Variants in PCDH17 observed in about 807,000 individuals in gnomAD.
PCDH17 encodes the protein protocadherin 17.
Under a neutral mutation model 67.7 loss-of-function variants are expected in PCDH17, and 21 were observed. The observed-to-expected ratio is 0.31, with a 90% confidence interval of 0.22 to 0.45. The LOEUF (loss-of-function observed/expected upper bound fraction) is 0.45. PCDH17 is among the 20% of genes least tolerant of loss of function. The probability of loss-of-function intolerance (pLI) is 1.00; values close to 1 mark genes in which losing one functional copy is unlikely to be tolerated. For synonymous variants in PCDH17, 701 were observed against 656.7 expected (o/e 1.07, Z -1.03); for missense variants, 1,471 against 1,564.8 (o/e 0.94, Z 1.01).
At chr13:57,692,128 C>T (rs1189043548) in intron 3 of PCDH17, among the ~76,000 whole-genome samples, 1 of 151,180 alleles carries the variant, frequency 6.6e-6, no homozygotes, top group African/African-American at 2.4e-5. Flanking sequence ...TTTTCATCCT[C>T]TATTTTCTGG....
chr13:57,631,844 A>T lies in PCDH17; in HGVS notation c.-703A>T, dbSNP rs921602752. 1 of 152,342 alleles carries T rather than the reference A, an allele frequency of 6.6e-6. No individual in the cohort carries two copies. Among genetic ancestry groups the T allele is most frequent in the African/African-American group, 2.4e-5 (1 of 41,440 alleles). The allele number at this position is 152,342 out of a possible 1,614,324, so 9.4% of individuals were successfully genotyped here. ...GTCCGCCGCCGCCGCTGCCTCAGCC[A>T]GCAATGCAAGATTAGATCTCTAAAT... On this transcript the variant is annotated 5_prime_UTR_variant, in exon 1 of 4. Transcript: ENST00000377918.
At chr13:57,718,632 T>C (rs994351014) in intron 3 of PCDH17, among the ~76,000 whole-genome samples, 2 of 151,860 alleles carry the variant, frequency 1.3e-5, no homozygotes, top group African/African-American at 4.8e-5. Context: ...AAGAAAGAAC[T>C]GTGTATGTTA....
chr13:57,702,929 A>G (rs1195602421), intron 3 of PCDH17, among the ~76,000 whole-genome samples: 1 of 152,164 alleles, frequency 6.6e-6, no homozygotes, highest in Non-Finnish European at 1.5e-5. Context: ...CTTTCTGCCT[A>G]TCTCTCTGCA....
chr13:57,694,027 G>A (rs1955584282), intron 3 of PCDH17, among the ~76,000 whole-genome samples: 1 of 150,522 alleles, frequency 6.6e-6, no homozygotes, highest in Non-Finnish European at 1.5e-5. Flanking sequence ...GCAAGTCTAG[G>A]CAGCACATCT....
intron 3 of PCDH17, among the ~76,000 whole-genome samples, chr13:57,699,937 T>C (rs901510712): frequency 3.1e-4 from 47 of 152,164 alleles, no homozygotes; most frequent in African/African-American, 1.1e-3. Context: ...GATACTAAAC[T>C]TGATCTTTCC....
Position 57,633,811 on chromosome 13 carries a change from A to G in PCDH17, c.1265A>G (p.Tyr422Cys). ...FKLEENYDNF[Y>C]TVVTDRPLDR... The stretch of plus-strand genomic sequence containing the variant: ...CTTGAGGAGAACTACGACAACTTCT[A>G]CACGGTGGTGACTGACCGCCCGCTG... Residue 422 changes from tyrosine (Y) to cysteine (C), a missense_variant, in exon 1 of 4, where the codon TAC becomes TGC. By Grantham distance (194) the Tyr-to-Cys change is radical. Coordinates refer to ENST00000377918, the MANE Select transcript of PCDH17 (RefSeq NM_001040429.3). This position sits in a 1 kb window ranked among gnomAD's most constrained non-coding sequence, Gnocchi z 6.2. 6.2e-7 allele frequency: 1 copy of G among 1,611,220 alleles called. No homozygotes were observed. Among genetic ancestry groups the G allele is most frequent in the Non-Finnish European group, 8.5e-7 (1 of 1,179,866 alleles).
chr13:57,667,474 A>T (rs536653009), intron 3 of PCDH17, among the ~76,000 whole-genome samples: 1 of 152,092 alleles, frequency 6.6e-6, no homozygotes, highest in South Asian at 2.1e-4. Context: ...TTGTTGTTTC[A>T]AATACAATAA....
At chr13:57,638,275 A>T (rs940621965) in intron 1 of PCDH17, among the ~76,000 whole-genome samples, 1 of 152,064 alleles carries the variant, frequency 6.6e-6, no homozygotes, top group African/African-American at 2.4e-5. Flanking sequence ...TAAAGAGTTT[A>T]TTACTAGTTC....
chr13:57,665,506 T>G (rs983707715), intron 1 of PCDH17, among the ~76,000 whole-genome samples: 2 of 152,178 alleles, frequency 1.3e-5, no homozygotes, highest in Non-Finnish European at 2.9e-5. Flanking sequence ...CTGATACTTG[T>G]GTGCTGGATA....
chr13:57,714,345 A>T (rs1169558261), intron 3 of PCDH17, among the ~76,000 whole-genome samples: 1 of 151,422 alleles, frequency 6.6e-6, no homozygotes. Context: ...CACTAATAAG[A>T]CTCTCTTGCT....
intron 1 of PCDH17, among the ~76,000 whole-genome samples, chr13:57,665,178 G>GT (rs1299619477): frequency 1.4e-5 from 2 of 145,444 alleles, no homozygotes; most frequent in Non-Finnish European, 3.0e-5. Flanking sequence ...TTTGTGGGGG[G>GT]GGTTTCTGTC....
chr13:57,709,024 G>A (rs1236057297), intron 3 of PCDH17, among the ~76,000 whole-genome samples: 1 of 151,206 alleles, frequency 6.6e-6, no homozygotes, highest in African/African-American at 2.4e-5. Context: ...ATATACCACA[G>A]CATTTTCTTA....
chr13:57,684,977 C>T (rs1955492820), intron 3 of PCDH17, among the ~76,000 whole-genome samples: 1 of 151,872 alleles, frequency 6.6e-6, no homozygotes, highest in Admixed American at 6.6e-5. Context: ...TAATACAGCA[C>T]AGTAATTAAT....
At chr13:57,702,040 C>G (rs1436610399) in intron 3 of PCDH17, among the ~76,000 whole-genome samples, 1 of 151,898 alleles carries the variant, frequency 6.6e-6, no homozygotes, top group Non-Finnish European at 1.5e-5. Context: ...GCTTCAGTCT[C>G]CCGAGTAGCT....
upstream of PCDH17, among the ~76,000 whole-genome samples, chr13:57,631,154 A>C (rs886187326): frequency 1.3e-5 from 2 of 152,218 alleles, no homozygotes; most frequent in Admixed American, 1.3e-4. Context: ...AAAAAAAAAA[A>C]CACGTACTTT....
At chr13:57,668,109 G>A (rs1375871052) in intron 3 of PCDH17, among the ~76,000 whole-genome samples, 1 of 151,766 alleles carries the variant, frequency 6.6e-6, no homozygotes, top group Admixed American at 6.6e-5. Context: ...TTTAACAAAA[G>A]CAATGTGAAT....
intron 1 of PCDH17, among the ~76,000 whole-genome samples, chr13:57,639,406 TA>T (rs1268604151): frequency 1.3e-5 from 2 of 151,870 alleles, no homozygotes; most frequent in Non-Finnish European, 2.9e-5. Flanking sequence ...CTTTTATTTT[TA>T]TATGCATTTA....
chr13:57,724,917 GCATCAAGCAGCC>G lies in PCDH17; in HGVS notation c.3106_3117del (p.Ser1036_Pro1039del), dbSNP rs1955901333. ...CCCTCTCCTCCAAGAGGTCCCCTCA[GCATCAAGCAGCC>G]CAACCAAGGCGTGCATCGAGCCTTG... On this transcript the variant is annotated inframe_deletion, in exon 4 of 4. Coordinates refer to ENST00000377918, the MANE Select transcript of PCDH17 (RefSeq NM_001040429.3). The G allele has an allele frequency of 1.2e-5, 19 of 1,614,146 alleles. No homozygotes were observed. The highest frequency in any genetic ancestry group is 1.5e-5 in the Non-Finnish European group (18 of 1,180,010).
At chr13:57,696,472 T>C (rs1002221941) in intron 3 of PCDH17, among the ~76,000 whole-genome samples, 1 of 151,376 alleles carries the variant, frequency 6.6e-6, no homozygotes, top group African/African-American at 2.4e-5. Flanking sequence ...GAAATGTTAA[T>C]GTTACTTAAA....
Sources: gnomAD v4.1 joint callset for allele counts (sites outside exome capture counted in the v4.1 genomes callset) on GRCh38, gnomAD v4.1.1 for gene constraint, Gnocchi (gnomAD v3.1) non-coding constraint, MANE v1.5 for transcripts, NCBI Gene and HGNC (gene_info 2026-07-23, HGNC 2026-07-21) for gene names.